Variants in TRPA1 observed in about 807,000 individuals in gnomAD.
TRPA1 encodes the protein ankyrin-like with transmembrane domains 1.
TRPA1 carries 129 observed loss-of-function variants against 131.3 expected under a neutral mutation model. The ratio of observed to expected loss-of-function variants is 0.98; its 90% CI spans 0.85 to 1.14. The LOEUF is 1.14. TRPA1 is among the 50% of genes most tolerant of loss of function. The pLI, the probability that TRPA1 is intolerant of heterozygous loss-of-function variation, is 0.00. For synonymous variants in TRPA1, 441 were observed against 451.7 expected, an observed-to-expected ratio of 0.98 and a Z score of 0.30; for missense variants, 1,304 against 1,354.2, an observed-to-expected ratio of 0.96 and a Z score of 0.58.
chr8:72,062,658 T>C (rs1399978453), intron 6 of TRPA1, 141 bp downstream of exon 6: 7 of 892,608 alleles, frequency 7.8e-6, no homozygotes, highest in Non-Finnish European at 1.2e-5. Context: ...TATTCTCTTG[T>C]TCTGCTTCTG....
At chr8:72,034,962 A>C (rs1056032188) in intron 21 of TRPA1, among the ~76,000 whole-genome samples, 16 of 152,220 alleles carry the variant, frequency 1.1e-4, no homozygotes, top group Non-Finnish European at 2.1e-4. Context: ...TTAATAAAGA[A>C]ATTAGAGAGA....
At chr8:72,078,010 TAATA>T (rs1806221944), upstream of TRPA1, among the ~76,000 whole-genome samples, 1 of 151,780 alleles carries the variant, frequency 6.6e-6, no homozygotes, top group Non-Finnish European at 1.5e-5. Flanking sequence ...AAAGTAATAA[TAATA>T]AATAATTTTA....
chr8:72,036,687 C>A (rs1339452548), intron 20 of TRPA1, among the ~76,000 whole-genome samples: 1 of 152,136 alleles, frequency 6.6e-6, no homozygotes, highest in Non-Finnish European at 1.5e-5. Context: ...TATGGGAATC[C>A]GACGCCTAAG....
intron 3 of TRPA1, among the ~76,000 whole-genome samples, chr8:72,066,963 T>G (rs570272691): frequency 6.6e-6 from 1 of 152,288 alleles, no homozygotes; most frequent in East Asian, 1.9e-4. Context: ...AACAACTGGA[T>G]AGTTTGAATT....
intron 25 of TRPA1, among the ~76,000 whole-genome samples, chr8:72,025,202 C>A (rs540035465): frequency 1.3e-5 from 2 of 151,952 alleles, no homozygotes; most frequent in Admixed American, 6.6e-5. Flanking sequence ...CCATAATCCC[C>A]ACGTGTCAAG....
At chr8:72,080,254 TA>T (rs2129437417), upstream of TRPA1, among the ~76,000 whole-genome samples, 1 of 151,958 alleles carries the variant, frequency 6.6e-6, no homozygotes, top group Non-Finnish European at 1.5e-5. Context: ...CTTTCAACAT[TA>T]AATATGACAT....
Position 72,046,230 on chromosome 8 carries a change from T to C in TRPA1, c.2061+283A>G, listed in dbSNP as rs185061024. ...AATTGAAAAAAAGGATTGCTTTCTT[T>C]ATTAACAAATAAAGGTTTGAGTCAC... On this transcript the variant is annotated intron_variant, in intron 17 of 26. Coordinates refer to ENST00000262209, the MANE Select transcript of TRPA1 (RefSeq NM_007332.3). 3.3e-5 allele frequency among the ~76,000 whole-genome samples: 5 copies of C among 152,190 alleles called. No individual in the cohort carries two copies. The East Asian group carries it at 7.7e-4, about 23-fold the overall frequency.
intron 2 of TRPA1, among the ~76,000 whole-genome samples, chr8:72,070,588 CTT>C (rs1585891781): frequency 1.3e-5 from 2 of 152,174 alleles, no homozygotes. Flanking sequence ...TACTTGATCT[CTT>C]TGTGGCAAGG....
At chr8:72,089,673 C>G in the TRPA1 span, among the ~76,000 whole-genome samples, 1 of 151,992 alleles carries the variant, frequency 6.6e-6, no homozygotes, top group Non-Finnish European at 1.5e-5. Flanking sequence ...TAGACAACCA[C>G]AGCTCAAAAA....
At chr8:72,084,647 ATTTTTTTT>A in the TRPA1 span, among the ~76,000 whole-genome samples, 1 of 104,990 alleles carries the variant, frequency 9.5e-6, no homozygotes, top group African/African-American at 3.7e-5. Flanking sequence ...TAAAATGATA[ATTTTTTTT>A]TTTTTTTTTT....
chr8:72,044,232 T>A (rs1023692899), intron 17 of TRPA1, among the ~76,000 whole-genome samples: 11 of 151,146 alleles, frequency 7.3e-5, no homozygotes, highest in Non-Finnish European at 1.6e-4. Flanking sequence ...TGGCAAGATC[T>A]AGCTATTGTT....
chr8:72,052,856 C>G, intron 13 of TRPA1, 91 bp from the exon 14 acceptor site: 1 of 1,423,926 alleles, frequency 7.0e-7, no homozygotes, highest in East Asian at 2.3e-5. Context: ...ATTAGCGACA[C>G]TATTTAATAC....
chr8:72,030,571 C>T (rs1268453783), intron 23 of TRPA1, among the ~76,000 whole-genome samples: 1 of 152,098 alleles, frequency 6.6e-6, no homozygotes, highest in Non-Finnish European at 1.5e-5. Flanking sequence ...TTAAGACATA[C>T]AAATTAATCC....
chr8:72,060,218 G>T (rs1328499152), intron 7 of TRPA1: 2 of 151,574 alleles, frequency 1.3e-5, no homozygotes, highest in South Asian at 2.1e-4. Flanking sequence ...TTCTCATTAT[G>T]CATATTAATA....
chr8:72,035,856 T>G (rs575370110), intron 21 of TRPA1, among the ~76,000 whole-genome samples: 4 of 152,136 alleles, frequency 2.6e-5, no homozygotes, highest in Non-Finnish European at 4.4e-5. Flanking sequence ...TGGGCTCATT[T>G]GGCACACAGG....
rs989658771 is a variant in TRPA1, at chr8:72,055,844, G to C, written c.1206C>G (p.Ile402Met). 8.7e-6 allele frequency: 14 copies of C among 1,611,620 alleles called. No homozygotes were observed. Among genetic ancestry groups the C allele is most frequent in the Non-Finnish European group, 1.1e-5 (13 of 1,179,330 alleles). ...TGTCTTCATCCATTACCAGCTCTTT[G>C]ATCTGTTGCATCTATAGGAAAAAAT... ...LRPEFMQMQQ[I>M]KELVMDEDND... Residue 402 changes from isoleucine to methionine, a missense_variant, in exon 11 of 27, where the codon ATC becomes ATG. Transcript: ENST00000262209.
rs1394584464 is a variant in TRPA1 at position 72,025,851 on chromosome 8, A to G, written c.3051+109T>C. ...TTAAAAGCACAACTCCTCTGCCCACAGGCAGAGAAGACTCAAAGTCTATAA... is the reference window on the plus strand; with the variant it reads ...TTAAAAGCACAACTCCTCTGCCCACGGGCAGAGAAGACTCAAAGTCTATAA... On this transcript the variant is annotated intron_variant, in intron 25 of 26. Coordinates refer to ENST00000262209, the MANE Select transcript of TRPA1 (RefSeq NM_007332.3). 5 of 891,944 alleles carry G rather than the reference A, an allele frequency of 5.6e-6. No individual in the cohort carries two copies. The African/African-American group carries it at 8.2e-5, about 15-fold the overall frequency. The allele number at this position is 891,944 out of a possible 1,614,324, so 55.3% of individuals were successfully genotyped here. A position where few individuals can be genotyped will look rare whatever the true frequency, so the allele number is the denominator to read the frequency against.
chr8:72,062,999 G>A (rs1724039048), intron 5 of TRPA1, 55 bp from the exon 6 acceptor site: 1 of 1,511,984 alleles, frequency 6.6e-7, no homozygotes, highest in African/African-American at 1.4e-5. Flanking sequence ...ATAATAGGGA[G>A]GTTTTTTGTT....
chr8:72,050,582 C>G (rs192791932), intron 15 of TRPA1, among the ~76,000 whole-genome samples, 196 bp downstream of exon 15: 1 of 152,260 alleles, frequency 6.6e-6, no homozygotes, highest in Non-Finnish European at 1.5e-5. Context: ...CCATATTATT[C>G]TCTATTACAT....
Sources: gnomAD v4.1 joint callset for allele counts (sites outside exome capture counted in the v4.1 genomes callset) on GRCh38, gnomAD v4.1.1 for gene constraint, MANE v1.5 for transcripts, NCBI Gene and HGNC (gene_info 2026-07-23, HGNC 2026-07-21) for gene names.